Variants in PEX5L observed in about 807,000 individuals in gnomAD.
The protein encoded by PEX5L is peroxisomal biogenesis factor 5 like.
PEX5L carries 30 observed loss-of-function variants against 84.0 expected under a neutral mutation model. The ratio of observed to expected loss-of-function variants is 0.36; its 90% CI spans 0.27 to 0.48. The LOEUF (loss-of-function observed/expected upper bound fraction) is 0.48. Ranked by LOEUF, PEX5L falls within the 20% of genes least tolerant of loss-of-function variation. The pLI is 0.99. For synonymous variants in PEX5L, 270 were observed against 283.1 expected (o/e 0.95, Z 0.46); for missense variants, 533 against 754.6 (o/e 0.71, Z 3.44).
At chr3:179,933,538 A>T (rs1462434809) in intron 2 of PEX5L, among the ~76,000 whole-genome samples, 1 of 152,196 alleles carries the variant, frequency 6.6e-6, no homozygotes, top group African/African-American at 2.4e-5. Flanking sequence ...TCTAAAAGAC[A>T]TTGGAAACTA....
Position 179,900,478 on chromosome 3 carries a change from G to C in PEX5L, c.94-2232C>G, listed in dbSNP as rs576707717. Among the ~76,000 whole-genome samples the C allele has an allele frequency of 1.1e-3, 171 of 152,164 alleles. 2 individuals are homozygous for C. The highest frequency in any genetic ancestry group is 4.0e-3 in the African/African-American group (165 of 41,510). On this transcript the variant is annotated intron_variant, in intron 2 of 14. Transcript: ENST00000467460. The stretch of plus-strand genomic sequence containing the variant: ...ATGCTACCAATCCATAAACTACATA[G>C]AGATACTTTTTTACATGTGCAACTA...
chr3:179,980,299 T>C (rs1786204269), intron 1 of PEX5L, among the ~76,000 whole-genome samples: 2 of 152,218 alleles, frequency 1.3e-5, no homozygotes, highest in South Asian at 2.1e-4. Context: ...CTCAAATGAC[T>C]TTTGAGGGTT....
At chr3:179,887,561 A>G in intron 4 of PEX5L, 112 bp downstream of exon 4, 1 of 734,684 alleles carries the variant, frequency 1.4e-6, no homozygotes, top group Non-Finnish European at 2.4e-6. Flanking sequence ...CTAAAGTTTC[A>G]TTTGGTTGCA....
In PEX5L at chr3:179,943,015, C is replaced by T. The variant is rs528275857; in HGVS notation, c.93+28579G>A. ...CTGTAAAATGGGGATAGTAACAATACTAACATCCAGTGTCGTTGTGTGACA... is the reference window on the plus strand; with the variant it reads ...CTGTAAAATGGGGATAGTAACAATATTAACATCCAGTGTCGTTGTGTGACA... On this transcript the variant is annotated intron_variant, in intron 2 of 14. Transcript: ENST00000467460. 2.0e-5 allele frequency among the ~76,000 whole-genome samples: 3 copies of T among 152,334 alleles called. No homozygotes were observed. The South Asian group carries it at 6.2e-4, about 32-fold the overall frequency.
intron 8 of PEX5L, among the ~76,000 whole-genome samples, chr3:179,849,307 C>T (rs1056885839): frequency 6.6e-6 from 1 of 152,094 alleles, no homozygotes; most frequent in African/African-American, 2.4e-5. Flanking sequence ...TCTGTGAAAT[C>T]GCCAGTTTGA....
chr3:179,930,299 C>G (rs1173737573), intron 2 of PEX5L, among the ~76,000 whole-genome samples: 2 of 152,306 alleles, frequency 1.3e-5, no homozygotes. Flanking sequence ...GTCTAACTTC[C>G]TTTCCAGAGG....
chr3:179,860,797 G>T (rs749607391), intron 7 of PEX5L, among the ~76,000 whole-genome samples: 3 of 152,244 alleles, frequency 2.0e-5, no homozygotes, highest in Non-Finnish European at 2.9e-5. Context: ...AGATGATGAT[G>T]TTGAGATACA....
intron 10 of PEX5L, 140 bp from the exon 11 acceptor site, chr3:179,812,011 T>C: frequency 1.5e-6 from 1 of 657,718 alleles, no homozygotes; most frequent in Admixed American, 2.5e-5. Flanking sequence ...GGGAAAAATA[T>C]TGTATGCATT....
intron 7 of PEX5L, among the ~76,000 whole-genome samples, chr3:179,863,319 A>T (rs1013711639): frequency 6.6e-6 from 1 of 151,276 alleles, no homozygotes; most frequent in Non-Finnish European, 1.5e-5. Context: ...CATAGGCAAC[A>T]AAAGCAAAAT....
chr3:180,034,497 G>A (rs2108380338), intron 1 of PEX5L, among the ~76,000 whole-genome samples: 1 of 152,182 alleles, frequency 6.6e-6, no homozygotes, highest in Admixed American at 6.5e-5. Flanking sequence ...TATTCTTTGG[G>A]GGAAGAGATA....
At chr3:179,942,251 A>G (rs1475048760) in intron 2 of PEX5L, among the ~76,000 whole-genome samples, 1 of 152,090 alleles carries the variant, frequency 6.6e-6, no homozygotes, top group Non-Finnish European at 1.5e-5. Flanking sequence ...CCTGGGCCTC[A>G]TTTCTCCTCC....
At chr3:179,908,486 T>C (rs1283429445) in intron 2 of PEX5L, among the ~76,000 whole-genome samples, 1 of 152,234 alleles carries the variant, frequency 6.6e-6, no homozygotes, top group Non-Finnish European at 1.5e-5. Context: ...ATTATTGTTA[T>C]ACTTTAAGTT....
intron 2 of PEX5L, among the ~76,000 whole-genome samples, chr3:179,970,339 C>T (rs569114810): frequency 1.3e-5 from 2 of 152,064 alleles, no homozygotes; most frequent in South Asian, 4.2e-4. Context: ...CTGCATGCCC[C>T]AAGTATTTAA....
At chr3:180,010,555 C>T (rs944781680) in intron 1 of PEX5L, among the ~76,000 whole-genome samples, 1 of 152,030 alleles carries the variant, frequency 6.6e-6, no homozygotes, top group African/African-American at 2.4e-5. Flanking sequence ...AAATGTAACA[C>T]GTTTGCCTGG....
chr3:179,853,003 G>C (rs1742497836), intron 8 of PEX5L, among the ~76,000 whole-genome samples: 1 of 152,122 alleles, frequency 6.6e-6, no homozygotes, highest in Non-Finnish European at 1.5e-5. Flanking sequence ...TATTTATCCA[G>C]TAAAAATTTG....
intron 2 of PEX5L, among the ~76,000 whole-genome samples, chr3:179,919,859 T>G (rs377524383): frequency 6.6e-6 from 1 of 152,090 alleles, no homozygotes; most frequent in Non-Finnish European, 1.5e-5. Context: ...TGTGCCACCA[T>G]GCTCAGCTAA....
At chr3:179,994,294 A>G (rs1262312367) in intron 1 of PEX5L, among the ~76,000 whole-genome samples, 1 of 152,238 alleles carries the variant, frequency 6.6e-6, no homozygotes, top group African/African-American at 2.4e-5. Context: ...TTTTTTATAC[A>G]TTAAAAGTTA....
intron 3 of PEX5L, among the ~76,000 whole-genome samples, chr3:179,891,125 C>A (rs943789795): frequency 6.6e-6 from 1 of 151,766 alleles, no homozygotes; most frequent in Non-Finnish European, 1.5e-5. Flanking sequence ...AGGACAAAGG[C>A]GTGGCATCTC....
chr3:179,875,219 C>A, intron 6 of PEX5L, 135 bp downstream of exon 6: 1 of 727,348 alleles, frequency 1.4e-6, no homozygotes, highest in South Asian at 1.9e-5. Flanking sequence ...TGGTAGAAGC[C>A]ACAATAATTG....
Sources: allele counts gnomAD v4.1 joint callset (sites outside exome capture counted in the v4.1 genomes callset), GRCh38; gene constraint gnomAD v4.1.1; transcripts MANE v1.5; gene names NCBI Gene and HGNC (gene_info 2026-07-23, HGNC 2026-07-21).